The following ASCC3 variants were observed in gnomAD, a reference collection of about 807,000 sequenced individuals.
ASCC3 encodes ASC-1 complex subunit P200.
Under a neutral mutation model 256.3 loss-of-function variants are expected in ASCC3, and 158 were observed. The ratio of observed to expected loss-of-function variants is 0.62; its 90% CI spans 0.54 to 0.70. The LOEUF (loss-of-function observed/expected upper bound fraction) is 0.70. Among genes scored for constraint, ASCC3 ranks in the 30% least tolerant of loss-of-function variants. The pLI is 0.00. For missense variants in ASCC3, 2,259 were observed against 2,626.0 expected (o/e 0.86, Z 3.05); for synonymous variants, 948 against 883.4 (o/e 1.07, Z -1.30).
intron 23 of ASCC3, among the ~76,000 whole-genome samples, chr6:100,643,406 A>G (rs1775224792): frequency 6.6e-6 from 1 of 152,174 alleles, no homozygotes; most frequent in Non-Finnish European, 1.5e-5. Context: ...TAAGATTATT[A>G]TTGATCCTAC....
rs1424844798 is a variant in ASCC3 at position 100,525,658 on chromosome 6, T to A, written c.5776-7516A>T. ...AATTGTGAATAAGTATAGACTTTAG[T>A]TAATAATTATTTGCCAAAATTGGCT... On this transcript the variant is annotated intron_variant, in intron 37 of 41. Transcript: ENST00000369162. Among the ~76,000 whole-genome samples the A allele has an allele frequency of 4.6e-5, 7 of 152,278 alleles. No individual in the cohort carries two copies. In the East Asian group the frequency reaches 1.3e-3, roughly 29 times the overall value.
chr6:100,530,639 G>A (rs1487751347), intron 37 of ASCC3: 1 of 817,146 alleles, frequency 1.2e-6, no homozygotes, highest in East Asian at 2.4e-5. Flanking sequence ...CCAAACAGGA[G>A]TTCATGGATG....
intron 12 of ASCC3, among the ~76,000 whole-genome samples, chr6:100,715,999 G>A (rs1222789731): frequency 6.6e-6 from 1 of 151,640 alleles, no homozygotes; most frequent in Admixed American, 6.6e-5. Context: ...AAAACATAAG[G>A]TAACACACTA....
intron 8 of ASCC3, among the ~76,000 whole-genome samples, chr6:100,777,780 CAT>C (rs1461835312): frequency 6.6e-6 from 1 of 152,052 alleles, no homozygotes; most frequent in Non-Finnish European, 1.5e-5. Context: ...AGAGGTCACA[CAT>C]GAGATGGGAA....
At chr6:100,875,140 T>G (rs889826517) in intron 1 of ASCC3, among the ~76,000 whole-genome samples, 1 of 149,184 alleles carries the variant, frequency 6.7e-6, no homozygotes, top group Non-Finnish European at 1.5e-5. Flanking sequence ...GTTATTTCAA[T>G]AAACCAACTG....
intron 4 of ASCC3, among the ~76,000 whole-genome samples, chr6:100,823,710 C>T (rs1771164845): frequency 6.6e-6 from 1 of 152,102 alleles, no homozygotes; most frequent in Admixed American, 6.5e-5. Flanking sequence ...CCAAAAGACT[C>T]AGTTGTTGAG....
At chr6:100,866,667 G>GGGATGTGC (rs1357854512) in intron 2 of ASCC3, among the ~76,000 whole-genome samples, 1 of 152,164 alleles carries the variant, frequency 6.6e-6, no homozygotes, top group Non-Finnish European at 1.5e-5. Flanking sequence ...AAAGACACCA[G>GGGATGTGC]GGATGTGCTT....
chr6:100,804,828 T>C (rs1018911404), intron 5 of ASCC3, among the ~76,000 whole-genome samples: 4 of 152,166 alleles, frequency 2.6e-5, no homozygotes, highest in Non-Finnish European at 4.4e-5. Flanking sequence ...CCAGCCACTA[T>C]GAAAAGTAGT....
intron 34 of ASCC3, among the ~76,000 whole-genome samples, chr6:100,593,229 C>G (rs542825026): frequency 3.3e-5 from 5 of 152,136 alleles, no homozygotes; most frequent in Non-Finnish European, 7.4e-5. Context: ...TTACTAGTCC[C>G]CTGAGAGGTG....
At chr6:100,718,600 G>GA (rs900634615) in intron 11 of ASCC3, among the ~76,000 whole-genome samples, 3 of 150,214 alleles carry the variant, frequency 2.0e-5, no homozygotes, top group African/African-American at 7.3e-5. Flanking sequence ...TCTACCAAAA[G>GA]AAAAAAAAAT....
intron 14 of ASCC3, 112 bp from the exon 15 acceptor site, chr6:100,662,648 T>G: frequency 1.0e-6 from 1 of 977,688 alleles, no homozygotes. Context: ...TTAAGCATCT[T>G]AAGGTATTAC....
chr6:100,518,779 T>C (rs1258541879), intron 37 of ASCC3, among the ~76,000 whole-genome samples: 2 of 152,160 alleles, frequency 1.3e-5, no homozygotes, highest in Non-Finnish European at 2.9e-5. Flanking sequence ...AACTAAACAG[T>C]GAAATCTTAT....
At chr6:100,770,019 AAAT>A (rs1047168872) in intron 8 of ASCC3, among the ~76,000 whole-genome samples, 5 of 151,984 alleles carry the variant, frequency 3.3e-5, no homozygotes, top group African/African-American at 1.2e-4. Flanking sequence ...TTTAAGATGG[AAAT>A]AATATCAATT....
Position 100,644,118 on chromosome 6 carries a change from T to C in ASCC3, c.3645A>G (p.Thr1215=). 2 of 1,611,506 alleles carry C rather than the reference T, an allele frequency of 1.2e-6. No homozygotes were observed. The highest frequency in any genetic ancestry group is 1.7e-6 in the Non-Finnish European group (2 of 1,178,056). The part of the protein sequence containing the change: ...DFTWNDQVHG[T]VGEPWWIWVE... ...CCCAAATCCACCAAGGTTCTCCTAC[T>C]GTCCCATGTACCTAGAAGAAAAATA... Residue 1215 remains threonine, a synonymous_variant, in exon 23 of 42, where the codon ACA becomes ACG. Coordinates refer to ENST00000369162, the MANE Select transcript of ASCC3 (RefSeq NM_006828.4).
chr6:100,659,631 A>G (rs542406687), intron 16 of ASCC3, among the ~76,000 whole-genome samples: 1 of 151,494 alleles, frequency 6.6e-6, no homozygotes, highest in African/African-American at 2.4e-5. Flanking sequence ...GCTTGATCAA[A>G]TAGTTTTAGT....
intron 1 of ASCC3, among the ~76,000 whole-genome samples, chr6:100,879,521 T>A (rs1046831111): frequency 6.6e-5 from 10 of 152,034 alleles, no homozygotes; most frequent in Non-Finnish European, 1.5e-4. Flanking sequence ...AAAGGCAAAA[T>A]GGGGCCCGTA....
chr6:100,833,783 G>A (rs1430708803), intron 4 of ASCC3, among the ~76,000 whole-genome samples: 3 of 152,116 alleles, frequency 2.0e-5, no homozygotes, highest in Non-Finnish European at 2.9e-5. Flanking sequence ...GGCAGGACGC[G>A]CGCTTTTAAA....
chr6:100,640,119 A>G (rs563030319), intron 24 of ASCC3, among the ~76,000 whole-genome samples: 1 of 152,168 alleles, frequency 6.6e-6, no homozygotes, highest in African/African-American at 2.4e-5. Flanking sequence ...TGTCTCACAA[A>G]TAAAATAAAA....
At chr6:100,630,690 A>C (rs1187047655) in intron 26 of ASCC3, among the ~76,000 whole-genome samples, 1 of 152,028 alleles carries the variant, frequency 6.6e-6, no homozygotes, top group East Asian at 1.9e-4. Flanking sequence ...TTAAATTATT[A>C]ATGAAAAAAA....
Sources: allele counts gnomAD v4.1 joint callset (sites outside exome capture counted in the v4.1 genomes callset), GRCh38; gene constraint gnomAD v4.1.1; transcripts MANE v1.5; gene names NCBI Gene and HGNC (gene_info 2026-07-23, HGNC 2026-07-21).